The following CFAP299 variants were observed in gnomAD, a reference collection of about 807,000 sequenced individuals.
CFAP299 encodes cilia- and flagella-associated protein 299.
A neutral mutation model predicts 27.0 loss-of-function variants in CFAP299; 21 were observed. That is an observed-to-expected ratio of 0.78 (90% CI 0.55 to 1.12). The LOEUF is 1.12. Ranked by LOEUF, CFAP299 falls within the 50% of genes most tolerant of loss-of-function variation. CFAP299 has a pLI of 0.00. For synonymous variants in CFAP299, 104 were observed against 98.1 expected (o/e 1.06, Z -0.36); for missense variants, 310 against 276.6 (o/e 1.12, Z -0.86).
intron 2 of CFAP299, among the ~76,000 whole-genome samples, chr4:80,471,327 T>A (rs1209410249): frequency 6.6e-6 from 1 of 151,476 alleles, no homozygotes; most frequent in African/African-American, 2.4e-5. Context: ...AAATGAAAAA[T>A]GTTTTCCAAA....
intron 4 of CFAP299, among the ~76,000 whole-genome samples, chr4:80,944,062 CTCAA>C (rs1249170024): frequency 2.2e-5 from 3 of 138,248 alleles, no homozygotes; most frequent in Non-Finnish European, 4.7e-5. Flanking sequence ...AAGACTCCAT[CTCAA>C]TAAATAAATA....
intron 3 of CFAP299, among the ~76,000 whole-genome samples, chr4:80,609,757 T>C (rs1044805412): frequency 6.6e-6 from 1 of 152,072 alleles, no homozygotes; most frequent in Non-Finnish European, 1.5e-5. Context: ...TCTCTAGTAA[T>C]ACATAGTTTG....
intron 2 of CFAP299, among the ~76,000 whole-genome samples, chr4:80,532,498 A>G (rs1733528449): frequency 1.3e-5 from 2 of 152,312 alleles, no homozygotes; most frequent in Admixed American, 1.3e-4. Context: ...TAGAGTTAGG[A>G]TTGCCTTCTG....
At chr4:80,914,294 A>G (rs924460196) in intron 4 of CFAP299, among the ~76,000 whole-genome samples, 12 of 152,216 alleles carry the variant, frequency 7.9e-5, no homozygotes, top group African/African-American at 2.9e-4. Context: ...TCTTACTAGT[A>G]ATATATGAGT....
intron 3 of CFAP299, among the ~76,000 whole-genome samples, chr4:80,644,204 CAT>C (rs1480622586): frequency 2.0e-5 from 3 of 152,172 alleles, no homozygotes; most frequent in East Asian, 1.9e-4. Flanking sequence ...ACAAACAAAA[CAT>C]GTGCTTTGTG....
At chr4:80,671,377 G>A (rs1173827555) in intron 3 of CFAP299, among the ~76,000 whole-genome samples, 1 of 152,152 alleles carries the variant, frequency 6.6e-6, no homozygotes, top group East Asian at 1.9e-4. Context: ...GTACCATGCT[G>A]TTTTGGTTAC....
intron 3 of CFAP299, among the ~76,000 whole-genome samples, chr4:80,700,611 T>C (rs895814736): frequency 9.9e-5 from 15 of 152,120 alleles, no homozygotes; most frequent in African/African-American, 2.6e-4. Context: ...GAATGCAAGA[T>C]TGCCTTCTAA....
chr4:80,833,698 AT>A, intron 3 of CFAP299, among the ~76,000 whole-genome samples: 1 of 152,334 alleles, frequency 6.6e-6, no homozygotes, highest in Middle Eastern at 3.4e-3. Flanking sequence ...ATAAAACAGA[AT>A]TTCAACTGCA....
rs142731425 is a variant in CFAP299 at position 80,583,137 on chromosome 4, C to T, written c.287C>T (p.Thr96Met). 7.5e-5 allele frequency: 121 copies of T among 1,604,982 alleles called. No individual in the cohort carries two copies. The highest frequency in any genetic ancestry group is 2.5e-4 in the African/African-American group (19 of 74,634). Residue 96 changes from threonine to methionine, a missense_variant, in exon 3 of 6, where the codon ACG becomes ATG. Transcript: ENST00000358105. ...AGKDLQDNFL[T>M]ALAMREEDNR... ...AAAGACCTACAAGATAATTTTCTGA[C>T]GGCCCTGGCAATGAGAGAAGAAGAC... is the stretch of plus-strand genomic sequence containing the variant.
At chr4:80,860,816 C>T (rs1732287758) in intron 3 of CFAP299, among the ~76,000 whole-genome samples, 2 of 152,166 alleles carry the variant, frequency 1.3e-5, no homozygotes, top group Admixed American at 1.3e-4. Context: ...CAGTCTGCCC[C>T]TACTGGGGGG....
At chr4:80,601,461 C>T (rs1737346544) in intron 3 of CFAP299, among the ~76,000 whole-genome samples, 1 of 152,068 alleles carries the variant, frequency 6.6e-6, no homozygotes, top group East Asian at 1.9e-4. Flanking sequence ...TCATTATGCC[C>T]CACCTACCTT....
chr4:80,520,242 CAG>C (rs1026576730), intron 2 of CFAP299, among the ~76,000 whole-genome samples: 3 of 152,136 alleles, frequency 2.0e-5, no homozygotes, highest in Non-Finnish European at 4.4e-5. Context: ...GGTTTTAAAA[CAG>C]TGTTCTGGGA....
intron 2 of CFAP299, among the ~76,000 whole-genome samples, chr4:80,405,838 A>G (rs971613285): frequency 6.0e-4 from 91 of 152,154 alleles, no homozygotes; most frequent in African/African-American, 2.2e-3. Flanking sequence ...TGAAGAGAAC[A>G]TTATTTTTCT....
chr4:80,422,221 A>G (rs1727317661), intron 2 of CFAP299, among the ~76,000 whole-genome samples: 1 of 152,210 alleles, frequency 6.6e-6, no homozygotes, highest in South Asian at 2.1e-4. Context: ...GCTATTCACC[A>G]TAGTGTGAAT....
intron 3 of CFAP299, among the ~76,000 whole-genome samples, chr4:80,628,566 G>A (rs1739035587): frequency 6.6e-6 from 1 of 152,044 alleles, no homozygotes; most frequent in African/African-American, 2.4e-5. Context: ...GGAAGAAAAT[G>A]TTTGCAAACT....
At chr4:80,687,769 T>G (rs989179944) in intron 3 of CFAP299, among the ~76,000 whole-genome samples, 3 of 152,190 alleles carry the variant, frequency 2.0e-5, no homozygotes, top group Non-Finnish European at 2.9e-5. Context: ...CATTTCCATC[T>G]GAGGTACCGG....
intron 3 of CFAP299, among the ~76,000 whole-genome samples, chr4:80,854,111 A>G (rs561190148): frequency 1.3e-5 from 2 of 152,216 alleles, no homozygotes; most frequent in South Asian, 2.1e-4. Context: ...AGATTGAAGA[A>G]GCAGAATAAA....
chr4:80,654,173 A>G (rs781604060), intron 3 of CFAP299, among the ~76,000 whole-genome samples: 1 of 152,156 alleles, frequency 6.6e-6, no homozygotes, highest in Non-Finnish European at 1.5e-5. Flanking sequence ...CAATAGTAGC[A>G]ATACATTATT....
At chr4:80,672,261 T>C (rs1741529769) in intron 3 of CFAP299, among the ~76,000 whole-genome samples, 1 of 152,214 alleles carries the variant, frequency 6.6e-6, no homozygotes, top group African/African-American at 2.4e-5. Flanking sequence ...ATTGAGATAA[T>C]CATGTGGTTT....
Sources: gnomAD v4.1 joint callset for allele counts (sites outside exome capture counted in the v4.1 genomes callset) on GRCh38, gnomAD v4.1.1 for gene constraint, MANE v1.5 for transcripts, NCBI Gene and HGNC (gene_info 2026-07-23, HGNC 2026-07-21) for gene names.